The following PPP5C variants were observed in gnomAD, a reference collection of about 807,000 sequenced individuals.
PPP5C encodes the protein protein phosphatase 5 catalytic subunit.
Under a neutral mutation model 66.7 loss-of-function variants are expected in PPP5C, and 21 were observed. That is an observed-to-expected ratio of 0.31 (90% CI 0.22 to 0.45). PPP5C has a LOEUF of 0.45. Ranked by LOEUF, PPP5C falls within the 20% of genes least tolerant of loss-of-function variation. The probability of loss-of-function intolerance (pLI) is 1.00; values close to 1 mark genes in which losing one functional copy is unlikely to be tolerated. For missense variants in PPP5C, 464 were observed against 675.9 expected (o/e 0.69, Z 3.48); for synonymous variants, 246 against 257.4 (o/e 0.96, Z 0.43).
chr19:46,387,769 G>A, intron 9 of PPP5C: 1 of 1,281,706 alleles, frequency 7.8e-7, no homozygotes, highest in Non-Finnish European at 1.0e-6. Flanking sequence ...CTAGTGACGG[G>A]CACACTTCAG....
chr19:46,375,867 G>A (rs974674003), intron 3 of PPP5C, 116 bp downstream of exon 3: 1 of 1,444,036 alleles, frequency 6.9e-7, no homozygotes, highest in African/African-American at 1.4e-5. Context: ...CCCCAGGCTG[G>A]TGTCTGTCGC....
intron 2 of PPP5C, among the ~76,000 whole-genome samples, chr19:46,358,545 C>G (rs1033577682): frequency 1.3e-4 from 20 of 152,252 alleles, no homozygotes; most frequent in African/African-American, 4.8e-4. Context: ...CGTAAATGTT[C>G]CTCCGTTTCT....
chr19:46,347,259 G>A, intron 1 of PPP5C, 42 bp downstream of exon 1: 1 of 1,561,952 alleles, frequency 6.4e-7, no homozygotes, highest in Non-Finnish European at 8.7e-7. Context: ...GGCCCAGGCT[G>A]AGGGGTGCCG....
In PPP5C at chr19:46,387,247, G is replaced by A. The variant is rs766065569; in HGVS notation, c.1047+12G>A. On this transcript the variant is annotated intron_variant, in intron 8 of 12. Coordinates refer to ENST00000012443, the MANE Select transcript of PPP5C (RefSeq NM_006247.4). ...ACGGCAAAGTGCTGGTGAGGACGGC[G>A]CGAGCCCTGAGTGTGGGTTCCCCAC... 13 of 1,614,022 alleles carry A rather than the reference G, an allele frequency of 8.1e-6. No individual in the cohort carries two copies. Among genetic ancestry groups the A allele is most frequent in the East Asian group, 6.7e-5 (3 of 44,896 alleles).
rs547114796 is a variant in PPP5C at position 46,362,279 on chromosome 19, A to G, written c.363+8290A>G. ...TTATGATGCCATCTTTATAATTTTTAGAAATATAGGGTTTCTAATGGAACA... is the reference window on the plus strand; with the variant it reads ...TTATGATGCCATCTTTATAATTTTTGGAAATATAGGGTTTCTAATGGAACA... On this transcript the variant is annotated intron_variant, in intron 2 of 12. Transcript: ENST00000012443. Among the ~76,000 whole-genome samples the G allele has an allele frequency of 2.0e-5, 3 of 152,344 alleles. No homozygotes were observed. The East Asian group carries it at 5.8e-4, about 29-fold the overall frequency.
intron 2 of PPP5C, among the ~76,000 whole-genome samples, chr19:46,357,605 C>A (rs973510329): frequency 1.3e-5 from 2 of 152,164 alleles, no homozygotes; most frequent in Non-Finnish European, 2.9e-5. Context: ...GGTTATTTTG[C>A]CGGTGATTCT....
At chr19:46,371,687 G>A (rs1322118004) in intron 2 of PPP5C, among the ~76,000 whole-genome samples, 1 of 152,188 alleles carries the variant, frequency 6.6e-6, no homozygotes, top group East Asian at 1.9e-4. Flanking sequence ...TGCTGGGTAT[G>A]ACTTGCCAAA....
In PPP5C at chr19:46,353,899, G is replaced by A; in HGVS notation, c.273G>A (p.Leu91=). Residue 91 remains leucine, a synonymous_variant, in exon 2 of 13, where the codon CTG becomes CTA. Coordinates refer to ENST00000012443, the MANE Select transcript of PPP5C (RefSeq NM_006247.4). The part of the protein sequence containing the change: ...ALGDATRAIE[L]DKKYIKGYYR... ...GAGACGCCACGCGGGCCATTGAGCTGGACAAGAAGTACATCAAGGGTTATT... is the reference window on the plus strand; with the variant it reads ...GAGACGCCACGCGGGCCATTGAGCTAGACAAGAAGTACATCAAGGGTTATT... The A allele has an allele frequency of 1.2e-6, 2 of 1,605,670 alleles. No individual in the cohort carries two copies. Among genetic ancestry groups the A allele is most frequent in the Middle Eastern group, 1.7e-4 (1 of 6,046 alleles).
chr19:46,361,128 A>ATTTTTTTTTTTTTTTTTTTTTTTTTTT (rs202038384), intron 2 of PPP5C, among the ~76,000 whole-genome samples: 5 of 133,416 alleles, frequency 3.7e-5, no homozygotes, highest in Admixed American at 7.8e-5. Context: ...AGTGAAAGAA[A>ATTTTTTTTTTTTTTTTTTTTTTTTTTT]ATTTTTTTTT....
At chr19:46,385,589 G>C (rs1014124802) in intron 7 of PPP5C, among the ~76,000 whole-genome samples, 1 of 152,138 alleles carries the variant, frequency 6.6e-6, no homozygotes, top group African/African-American at 2.4e-5. Flanking sequence ...AAACCAGCCT[G>C]TCCAATGTGG....
chr19:46,356,152 G>C (rs1972282658), intron 2 of PPP5C, among the ~76,000 whole-genome samples: 1 of 152,206 alleles, frequency 6.6e-6, no homozygotes, highest in Non-Finnish European at 1.5e-5. Context: ...TGGCAGGGAG[G>C]GTTGAGGGGG....
Position 46,388,614 on chromosome 19 carries a change from CCTT to C in PPP5C, c.1242_1244del (p.Phe414del). On this transcript the variant is annotated inframe_deletion, in exon 11 of 13. Coordinates refer to ENST00000012443, the MANE Select transcript of PPP5C (RefSeq NM_006247.4). This position sits in a 1 kb window ranked among gnomAD's most constrained non-coding sequence, Gnocchi z 4.9. ...CAGTTTGGGCCTGACGTCACCAAGGCCTTCTTGGAAGAGAACAACCTGGACTAT... is the reference window on the plus strand; with the variant it reads ...CAGTTTGGGCCTGACGTCACCAAGGCCTTGGAAGAGAACAACCTGGACTAT... 6.2e-7 allele frequency: 1 copy of C among 1,614,154 alleles called. No homozygotes were observed. The highest frequency in any genetic ancestry group is 8.5e-7 in the Non-Finnish European group (1 of 1,180,018).
At chr19:46,373,460 TAGTA>T (rs1972631081) in intron 2 of PPP5C, among the ~76,000 whole-genome samples, 1 of 152,190 alleles carries the variant, frequency 6.6e-6, no homozygotes, top group Non-Finnish European at 1.5e-5. Flanking sequence ...ATTAGGCACA[TAGTA>T]AGTGCTCTAG....
chr19:46,349,785 A>T (rs1415257573), intron 1 of PPP5C, among the ~76,000 whole-genome samples: 2 of 151,798 alleles, frequency 1.3e-5, no homozygotes, highest in African/African-American at 4.8e-5. Context: ...ACAGAAATAG[A>T]TTCAAGAAGT....
rs5828273 is a variant in PPP5C, at chr19:46,352,819, CAAAA to C, written c.122-915_122-912del. Among the ~76,000 whole-genome samples the C allele has an allele frequency of 7.8e-5, 10 of 127,512 alleles. No individual in the cohort carries two copies. In the East Asian group the frequency reaches 9.4e-4, roughly 12 times the overall value. 83.7% of individuals were successfully genotyped at this position (127,512 alleles called of 152,430 possible). On this transcript the variant is annotated intron_variant, in intron 1 of 12. Coordinates refer to ENST00000012443, the MANE Select transcript of PPP5C (RefSeq NM_006247.4). ...TGGGCGACAGAGCGAGACTCCATCT[CAAAA>C]AAAAAAAAAAAAAGAAGGCCCACTT...
intron 2 of PPP5C, 26 bp from the exon 3 acceptor site, chr19:46,375,578 G>A (rs759598251): frequency 6.2e-7 from 1 of 1,612,406 alleles, no homozygotes; most frequent in Admixed American, 1.7e-5. Context: ...CAGCCTCAGT[G>A]TGCACGCCCC....
chr19:46,368,564 A>G (rs982127682), intron 2 of PPP5C, among the ~76,000 whole-genome samples: 2 of 152,166 alleles, frequency 1.3e-5, no homozygotes, highest in African/African-American at 4.8e-5. Flanking sequence ...TTTTATTTTA[A>G]TAGCTTTGGG....
rs372010069 is a variant in PPP5C, at chr19:46,383,370, G to T, written c.634-41G>T. The T allele has an allele frequency of 1.6e-5, 25 of 1,596,126 alleles. No individual in the cohort carries two copies. Among genetic ancestry groups the T allele is most frequent in the African/African-American group, 2.7e-5 (2 of 74,362 alleles). ...GCTTTCGGGGCCAGGTTGGGCAGCA[G>T]CCCCTGCAGCCGGTCCCACTGAGTC... On this transcript the variant is annotated intron_variant, in intron 4 of 12. Coordinates refer to ENST00000012443, the MANE Select transcript of PPP5C (RefSeq NM_006247.4). The surrounding 1 kb of genome is among the most constrained non-coding windows in gnomAD (Gnocchi z 5.0).
chr19:46,360,079 T>C (rs1972357258), intron 2 of PPP5C, among the ~76,000 whole-genome samples: 1 of 152,206 alleles, frequency 6.6e-6, no homozygotes, highest in African/African-American at 2.4e-5. Flanking sequence ...GCACCCGGCC[T>C]GTAAGATACT....
Sources: gnomAD v4.1 joint callset for allele counts (sites outside exome capture counted in the v4.1 genomes callset) on GRCh38, gnomAD v4.1.1 for gene constraint, Gnocchi (gnomAD v3.1) non-coding constraint, MANE v1.5 for transcripts, NCBI Gene and HGNC (gene_info 2026-07-23, HGNC 2026-07-21) for gene names.